Variants in MAP2K4 observed in about 807,000 individuals in gnomAD.
MAP2K4 encodes the protein mitogen-activated protein kinase kinase 4, also known as dual specificity mitogen-activated protein kinase kinase 4.
A neutral mutation model predicts 48.5 loss-of-function variants in MAP2K4; 4 were observed. The observed-to-expected ratio is 0.08, with a 90% CI of 0.04 to 0.19. The LOEUF (loss-of-function observed/expected upper bound fraction) is 0.19, where lower values mean the gene tolerates loss of function less well. MAP2K4 is among the 10% of genes least tolerant of loss of function. MAP2K4 has a pLI of 1.00. For missense variants in MAP2K4, 258 were observed against 493.3 expected (o/e 0.52, Z 4.52); for synonymous variants, 166 against 173.1 (o/e 0.96, Z 0.32).
chr17:12,082,596 G>A (rs1420043856), intron 3 of MAP2K4, among the ~76,000 whole-genome samples: 2 of 152,180 alleles, frequency 1.3e-5, no homozygotes, highest in Non-Finnish European at 2.9e-5. Flanking sequence ...GAAGTCTGTT[G>A]TGAGCCAAAC....
chr17:12,027,303 C>T (rs1289671059), intron 1 of MAP2K4, among the ~76,000 whole-genome samples: 1 of 152,130 alleles, frequency 6.6e-6, no homozygotes, highest in East Asian at 1.9e-4. Flanking sequence ...AAAACAATTA[C>T]ATTGTATGCA....
intron 4 of MAP2K4, among the ~76,000 whole-genome samples, chr17:12,098,145 G>C (rs1037630512): frequency 6.6e-6 from 1 of 152,176 alleles, no homozygotes; most frequent in East Asian, 1.9e-4. Context: ...CCTTTAAAGA[G>C]TGAATAGTAA....
intron 9 of MAP2K4, among the ~76,000 whole-genome samples, chr17:12,133,011 A>G (rs1353097322): frequency 1.3e-5 from 2 of 152,164 alleles, no homozygotes; most frequent in African/African-American, 4.8e-5. Context: ...TTTTTTGGGG[A>G]AAAAATCTGG....
chr17:12,032,264 A>G, intron 1 of MAP2K4: 1 of 1,419,600 alleles, frequency 7.0e-7, no homozygotes, highest in Non-Finnish European at 9.3e-7. Flanking sequence ...TTTTTACTTT[A>G]GGCTTTCAGA....
At position 12,029,681 on chromosome 17, in the gene MAP2K4, A is replaced by G. The variant is rs79911056; in HGVS notation, c.115+8680A>G. Reference sequence around the variant, plus strand: ...TGGCCAGGTGAGATGGCTCATGCCTATAATCCCATAACTTTGGGAGGCTGA... The same window carrying G: ...TGGCCAGGTGAGATGGCTCATGCCTGTAATCCCATAACTTTGGGAGGCTGA... On this transcript the variant is annotated intron_variant, in intron 1 of 10. Transcript: ENST00000353533. Among the ~76,000 whole-genome samples, 886 of 152,204 alleles carry G rather than the reference A, an allele frequency of 5.8e-3. 56 individuals carry two copies. The East Asian group carries it at 0.15, about 26-fold the overall frequency.
At chr17:12,066,102 T>C (rs1466429474) in intron 2 of MAP2K4, among the ~76,000 whole-genome samples, 1 of 151,946 alleles carries the variant, frequency 6.6e-6, no homozygotes, top group Admixed American at 6.6e-5. Flanking sequence ...TTTAGTGTGC[T>C]TTAAAAATAA....
At chr17:12,140,782 T>C (rs1390117728) in intron 10 of MAP2K4, among the ~76,000 whole-genome samples, 18 of 152,192 alleles carry the variant, frequency 1.2e-4, no homozygotes, top group Non-Finnish European at 1.6e-4. Context: ...TGACTGGCAT[T>C]TGCGTCATTC....
chr17:12,042,340 AGTG>A (rs1411654492), intron 1 of MAP2K4, among the ~76,000 whole-genome samples: 1 of 152,100 alleles, frequency 6.6e-6, no homozygotes, highest in African/African-American at 2.4e-5. Context: ...TTACAGGTAA[AGTG>A]GTGTGAATTG....
At chr17:12,135,802 A>C (rs1047983513) in intron 9 of MAP2K4, among the ~76,000 whole-genome samples, 3 of 151,840 alleles carry the variant, frequency 2.0e-5, no homozygotes, top group African/African-American at 7.3e-5. Flanking sequence ...CGCCTGCCTC[A>C]GCCTCCCAAA....
intron 9 of MAP2K4, among the ~76,000 whole-genome samples, chr17:12,129,822 C>T (rs915355908): frequency 2.0e-5 from 3 of 152,170 alleles, no homozygotes; most frequent in African/African-American, 4.8e-5. Flanking sequence ...AAGATGTGAA[C>T]CCCACACCTG....
chr17:12,094,900 C>T (rs2151560881), intron 3 of MAP2K4, among the ~76,000 whole-genome samples: 1 of 152,288 alleles, frequency 6.6e-6, no homozygotes, highest in South Asian at 2.1e-4. Context: ...TTTTCTTCCA[C>T]AGGTTTATGC....
At chr17:12,132,672 G>C (rs1973067711) in intron 9 of MAP2K4, among the ~76,000 whole-genome samples, 1 of 152,092 alleles carries the variant, frequency 6.6e-6, no homozygotes, top group Admixed American at 6.5e-5. Context: ...TGAGGTGTCT[G>C]AGCGCTCAGC....
At chr17:12,034,316 G>T (rs1321321449) in intron 1 of MAP2K4, among the ~76,000 whole-genome samples, 1 of 152,186 alleles carries the variant, frequency 6.6e-6, no homozygotes, top group Non-Finnish European at 1.5e-5. Context: ...GATACATATG[G>T]AAGAATTTAA....
intron 5 of MAP2K4, among the ~76,000 whole-genome samples, chr17:12,108,442 T>C (rs1229223090): frequency 6.6e-6 from 1 of 152,168 alleles, no homozygotes; most frequent in African/African-American, 2.4e-5. Context: ...GTGTTACTAC[T>C]AAATTTGGTT....
intron 2 of MAP2K4, among the ~76,000 whole-genome samples, chr17:12,060,997 G>A (rs866763936): frequency 2.7e-4 from 41 of 151,804 alleles, no homozygotes; most frequent in African/African-American, 9.4e-4. Flanking sequence ...TAGCCCTGGC[G>A]CCCACCATTC....
chr17:12,049,385 TC>T (rs1342659148), intron 1 of MAP2K4, among the ~76,000 whole-genome samples: 2 of 152,228 alleles, frequency 1.3e-5, no homozygotes, highest in African/African-American at 4.8e-5. Context: ...CAATGGGTGT[TC>T]CCTAAAAGGG....
At chr17:12,070,374 C>T (rs1035471977) in intron 2 of MAP2K4, among the ~76,000 whole-genome samples, 9 of 152,084 alleles carry the variant, frequency 5.9e-5, no homozygotes, top group African/African-American at 2.2e-4. Flanking sequence ...GCCATCTTAG[C>T]GTACTTACCT....
At chr17:12,024,369 AT>A (rs1333549163) in intron 1 of MAP2K4, among the ~76,000 whole-genome samples, 1 of 152,110 alleles carries the variant, frequency 6.6e-6, no homozygotes, top group Admixed American at 6.5e-5. Flanking sequence ...TAATCTGGCC[AT>A]TTTTGCCACT....
At chr17:12,114,788 A>G (rs1315782955) in intron 7 of MAP2K4, among the ~76,000 whole-genome samples, 1 of 152,204 alleles carries the variant, frequency 6.6e-6, no homozygotes, top group Non-Finnish European at 1.5e-5. Context: ...TTTTGAATTC[A>G]GCTTTCTAAG....
Sources: allele counts gnomAD v4.1 joint callset (sites outside exome capture counted in the v4.1 genomes callset), GRCh38; gene constraint gnomAD v4.1.1; transcripts MANE v1.5; gene names NCBI Gene and HGNC (gene_info 2026-07-23, HGNC 2026-07-21).